The following FKBP1A variants were observed in gnomAD, a reference collection of about 807,000 sequenced individuals.
The protein encoded by FKBP1A is peptidyl-prolyl cis-trans isomerase FKBP1A.
Under a neutral mutation model 14.2 loss-of-function variants are expected in FKBP1A, and 5 were observed. The ratio of observed to expected loss-of-function variants is 0.35; its 90% CI spans 0.18 to 0.74. FKBP1A has a LOEUF of 0.74. Among genes scored for constraint, FKBP1A ranks in the 30% least tolerant of loss-of-function variants. FKBP1A has a pLI of 0.56. For missense variants in FKBP1A, 53 were observed against 138.8 expected (o/e 0.38, Z 3.10); for synonymous variants, 42 against 49.1 (o/e 0.86, Z 0.60).
At position 1,369,687 on chromosome 20, in the gene FKBP1A, T is replaced by G. The variant is rs2089435485; in HGVS notation, c.*422A>C. The stretch of plus-strand genomic sequence containing the variant: ...TGTTTAATATATAATAGATAAAAAT[T>G]TCATCCAAAAAATTAAAATAAAATA... On this transcript the variant is annotated 3_prime_UTR_variant, in exon 5 of 5. Transcript: ENST00000400137. 13 of 198,174 alleles carry G rather than the reference T, an allele frequency of 6.6e-5. No individual in the cohort carries two copies. In the South Asian group the frequency reaches 2.0e-3, roughly 30 times the overall value. 12.3% of individuals were successfully genotyped at this position (198,174 alleles called of 1,614,324 possible).
intron 2 of FKBP1A, among the ~76,000 whole-genome samples, chr20:1,382,968 G>A (rs2089633109): frequency 6.6e-6 from 1 of 152,194 alleles, no homozygotes; most frequent in Admixed American, 6.5e-5. Context: ...AATCAGCAGA[G>A]GGAGACCTGG....
chr20:1,392,126 G>T (rs1428753329), intron 2 of FKBP1A, among the ~76,000 whole-genome samples: 1 of 152,246 alleles, frequency 6.6e-6, no homozygotes, highest in East Asian at 1.9e-4. Flanking sequence ...TCTACTTCTA[G>T]AAGAGCTGGG....
At chr20:1,372,356 G>T in intron 3 of FKBP1A, 116 bp from the exon 4 acceptor site, 1 of 1,122,370 alleles carries the variant, frequency 8.9e-7, no homozygotes, top group Non-Finnish European at 1.3e-6. Flanking sequence ...ACTTTCCAGT[G>T]ACTTTGCAGC....
Position 1,392,945 on chromosome 20 carries a change from CGCGCG to C in FKBP1A, c.37+12_37+16del. 6.7e-7 allele frequency: 1 copy of C among 1,486,872 alleles called. No homozygotes were observed. Among genetic ancestry groups the C allele is most frequent in the East Asian group, 2.5e-5 (1 of 40,028 alleles). 92.1% of individuals were successfully genotyped at this position (1,486,872 alleles called of 1,614,324 possible). A position where few individuals can be genotyped will look rare whatever the true frequency, so the allele number is the denominator to read the frequency against. ...CGGCGGCAGAGGTACTCCGAGCCGCCGCGCGCCACTACTCACCGTCTCCTGGGGAG... is the reference window on the plus strand; with the variant it reads ...CGGCGGCAGAGGTACTCCGAGCCGCCCCACTACTCACCGTCTCCTGGGGAG... On this transcript the variant is annotated intron_variant, in intron 1 of 4. Transcript: ENST00000400137.
At chr20:1,371,947 T>C in intron 4 of FKBP1A, 129 bp downstream of exon 4, 1 of 1,451,226 alleles carries the variant, frequency 6.9e-7, no homozygotes, top group Non-Finnish European at 9.1e-7. Flanking sequence ...GGATACTCAA[T>C]ACAGAAAGAA....
At position 1,392,310 on chromosome 20, in the gene FKBP1A, A is replaced by C. The variant is rs149721761; in HGVS notation, c.85+524T>G. Among the ~76,000 whole-genome samples, 1,072 of 152,286 alleles carry C rather than the reference A, an allele frequency of 7.0e-3. 15 individuals are homozygous for C. The highest frequency in any genetic ancestry group is 0.024 in the African/African-American group (989 of 41,568). ...AGGAAGTGGGATGTTTCCCCACCCTAGGCAAAGGGGCGAATTCCGAGTTCC... is the reference window on the plus strand; with the variant it reads ...AGGAAGTGGGATGTTTCCCCACCCTCGGCAAAGGGGCGAATTCCGAGTTCC... On this transcript the variant is annotated intron_variant, in intron 2 of 4. Transcript: ENST00000400137.
intron 2 of FKBP1A, among the ~76,000 whole-genome samples, chr20:1,384,961 C>G (rs1188222134): frequency 1.3e-5 from 2 of 152,212 alleles, no homozygotes; most frequent in African/African-American, 4.8e-5. Context: ...GAAGAATATG[C>G]AGGATCCAAC....
chr20:1,391,725 C>G (rs1385831709), intron 2 of FKBP1A: 2 of 383,808 alleles, frequency 5.2e-6, no homozygotes, highest in African/African-American at 4.3e-5. Flanking sequence ...CCACAGCCTA[C>G]TACCCAGGAG....
chr20:1,382,278 G>C (rs1389517786), intron 2 of FKBP1A, among the ~76,000 whole-genome samples: 1 of 152,144 alleles, frequency 6.6e-6, no homozygotes. Flanking sequence ...AAGAAAGCGT[G>C]CCCTGCTCAG....
At chr20:1,391,571 TA>T in intron 2 of FKBP1A, 1 of 397,976 alleles carries the variant, frequency 2.5e-6, no homozygotes. Context: ...GCCACAGAAA[TA>T]AAAGGGCATG....
intron 3 of FKBP1A, among the ~76,000 whole-genome samples, chr20:1,373,792 T>C (rs1200514645): frequency 2.6e-5 from 4 of 152,160 alleles, no homozygotes; most frequent in African/African-American, 4.8e-5. Flanking sequence ...GTATGAACAA[T>C]GGCTGGCATG....
chr20:1,372,731 T>C (rs139140799), intron 3 of FKBP1A, among the ~76,000 whole-genome samples: 1,929 of 152,280 alleles, frequency 0.013, 28 homozygotes, highest in African/African-American at 0.043. Flanking sequence ...TTTACCCATA[T>C]AGGAAAACTT....
chr20:1,392,949 CG>C lies in FKBP1A; in HGVS notation c.37+12del. On this transcript the variant is annotated intron_variant, in intron 1 of 4. Coordinates refer to ENST00000400137, the MANE Select transcript of FKBP1A (RefSeq NM_000801.5). ...GGCAGAGGTACTCCGAGCCGCCGCGCGCCACTACTCACCGTCTCCTGGGGAG... is the reference window on the plus strand; with the variant it reads ...GGCAGAGGTACTCCGAGCCGCCGCGCCCACTACTCACCGTCTCCTGGGGAG... 6.7e-7 allele frequency: 1 copy of C among 1,502,846 alleles called. No homozygotes were observed. The highest frequency in any genetic ancestry group is 1.4e-5 in the African/African-American group (1 of 69,382). The allele number at this position is 1,502,846 out of a possible 1,614,324, so 93.1% of individuals were successfully genotyped here.
chr20:1,385,536 T>C (rs2089661287), intron 2 of FKBP1A, among the ~76,000 whole-genome samples: 1 of 152,146 alleles, frequency 6.6e-6, no homozygotes, highest in African/African-American at 2.4e-5. Context: ...GTCTCCCTGC[T>C]TCTGCTCTTG....
intron 2 of FKBP1A, among the ~76,000 whole-genome samples, chr20:1,389,445 A>G (rs2089707572): frequency 6.6e-6 from 1 of 152,168 alleles, no homozygotes; most frequent in Non-Finnish European, 1.5e-5. Flanking sequence ...GAGTGGATGG[A>G]ATAAAGCAGA....
At position 1,386,288 on chromosome 20, in the gene FKBP1A, C is replaced by T. The variant is rs112541786; in HGVS notation, c.85+6546G>A. 0.014 allele frequency among the ~76,000 whole-genome samples: 2,199 copies of T among 152,338 alleles called. 65 individuals are homozygous for T. Among genetic ancestry groups the T allele is most frequent in the African/African-American group, 0.05 (2,074 of 41,556 alleles). ...GTACTTTCATTGTAACTGACCACTC[C>T]CTACAGGGTAAGCTTCTTGAGGGCA... On this transcript the variant is annotated intron_variant, in intron 2 of 4. Coordinates refer to ENST00000400137, the MANE Select transcript of FKBP1A (RefSeq NM_000801.5). The surrounding 1 kb of genome is among the most constrained non-coding windows in gnomAD (Gnocchi z 4.7).
intron 2 of FKBP1A, among the ~76,000 whole-genome samples, chr20:1,388,764 G>C (rs1294512658): frequency 6.6e-6 from 1 of 152,054 alleles, no homozygotes; most frequent in African/African-American, 2.4e-5. Context: ...GCGGGGGCGG[G>C]CATTAAAAGC....
chr20:1,372,315 A>AC, intron 3 of FKBP1A, 75 bp from the exon 4 acceptor site: 3 of 1,520,456 alleles, frequency 2.0e-6, no homozygotes, highest in Non-Finnish European at 2.7e-6. Context: ...AGAGCTGTTT[A>AC]CCTAGGTGTT....
chr20:1,373,024 T>C (rs2089489646), intron 3 of FKBP1A: 1 of 152,252 alleles, frequency 6.6e-6, no homozygotes, highest in Admixed American at 6.5e-5. Context: ...ATCCTTTGAC[T>C]TATCTCTGCT....
Sources: gnomAD v4.1 joint callset for allele counts (sites outside exome capture counted in the v4.1 genomes callset) on GRCh38, gnomAD v4.1.1 for gene constraint, Gnocchi (gnomAD v3.1) non-coding constraint, MANE v1.5 for transcripts, NCBI Gene and HGNC (gene_info 2026-07-23, HGNC 2026-07-21) for gene names.